The following PRKD1 variants were observed in gnomAD, a reference collection of about 807,000 sequenced individuals.
PRKD1 encodes serine/threonine-protein kinase D1.
In PRKD1, 63 loss-of-function variants were observed where a neutral mutation model predicts 95.9. The ratio of observed to expected loss-of-function variants is 0.66; its 90% CI spans 0.54 to 0.81. PRKD1 has a LOEUF of 0.81. Ranked by LOEUF, PRKD1 falls within the 30% of genes least tolerant of loss-of-function variation. The pLI is 0.00. For synonymous variants in PRKD1, 425 were observed against 423.1 expected (o/e 1.00, Z -0.05); for missense variants, 1,048 against 1,165.3 (o/e 0.90, Z 1.47).
chr14:29,698,217 T>TCACTATAATCACTATAATCA (rs1315997170), intron 2 of PRKD1, among the ~76,000 whole-genome samples: 28 of 152,196 alleles, frequency 1.8e-4, no homozygotes, highest in Non-Finnish European at 3.8e-4. Flanking sequence ...ATCACTATTA[T>TCACTATAATCACTATAATCA]CTGGATAATC....
At chr14:29,708,420 T>C (rs185119739) in intron 2 of PRKD1, among the ~76,000 whole-genome samples, 566 of 152,364 alleles carry the variant, frequency 3.7e-3, no homozygotes, top group Admixed American at 5.6e-3. Flanking sequence ...CATAAGCATC[T>C]GAATTTTTTG....
intron 2 of PRKD1, among the ~76,000 whole-genome samples, chr14:29,689,074 T>A (rs1252059747): frequency 6.8e-6 from 1 of 146,688 alleles, no homozygotes; most frequent in Non-Finnish European, 1.5e-5. Flanking sequence ...ACAATGAAAA[T>A]GCCAAAAGCA....
chr14:29,578,774 G>A (rs10873585), intron 16 of PRKD1, among the ~76,000 whole-genome samples: 160 of 152,054 alleles, frequency 1.1e-3, no homozygotes, highest in Middle Eastern at 3.4e-3. Context: ...CATGCTGAAC[G>A]TTTGAATACA....
intron 1 of PRKD1, among the ~76,000 whole-genome samples, chr14:29,850,895 T>C (rs1438463209): frequency 7.1e-6 from 1 of 140,910 alleles, no homozygotes; most frequent in Admixed American, 7.0e-5. Flanking sequence ...CAAAAAAAAA[T>C]TAAAAAAAAA....
intron 1 of PRKD1, among the ~76,000 whole-genome samples, chr14:29,726,374 G>GA (rs770272973): frequency 2.0e-5 from 3 of 152,102 alleles, no homozygotes; most frequent in Admixed American, 6.6e-5. Context: ...TTTATTATAT[G>GA]AAAAGGGCCC....
chr14:29,728,686 T>C lies in PRKD1; in HGVS notation c.265-3012A>G, dbSNP rs1886289470. Among the ~76,000 whole-genome samples the C allele has an allele frequency of 3.9e-5, 6 of 152,156 alleles. No homozygotes were observed. In the South Asian group the frequency reaches 1.2e-3, roughly 32 times the overall value. Reference sequence around the variant, plus strand: ...TTATCAGTTCACCCACAAATGGACATTGTAGTCTTTTTTTCCAGTTTGCAG... The same window carrying C: ...TTATCAGTTCACCCACAAATGGACACTGTAGTCTTTTTTTCCAGTTTGCAG... On this transcript the variant is annotated intron_variant, in intron 1 of 17. Coordinates refer to ENST00000331968, the MANE Select transcript of PRKD1 (RefSeq NM_002742.3).
At chr14:29,711,430 T>C (rs1320342083) in intron 2 of PRKD1, among the ~76,000 whole-genome samples, 1 of 152,110 alleles carries the variant, frequency 6.6e-6, no homozygotes, top group Admixed American at 6.6e-5. Flanking sequence ...ACAATGCAAA[T>C]ACAGAAGTAA....
intron 1 of PRKD1, among the ~76,000 whole-genome samples, chr14:29,804,161 G>A (rs1890139921): frequency 6.6e-6 from 1 of 150,840 alleles, no homozygotes; most frequent in South Asian, 2.1e-4. Flanking sequence ...AGAATTGCTT[G>A]AACTCAGAAG....
chr14:29,583,386 G>T (rs1305902993), intron 16 of PRKD1, among the ~76,000 whole-genome samples: 1 of 152,026 alleles, frequency 6.6e-6, no homozygotes, highest in Admixed American at 6.6e-5. Flanking sequence ...TATTTTCTCA[G>T]TTTGAATACC....
chr14:29,762,288 C>T (rs1349925300), intron 1 of PRKD1, among the ~76,000 whole-genome samples: 1 of 152,146 alleles, frequency 6.6e-6, no homozygotes, highest in African/African-American at 2.4e-5. Context: ...TAAATACTGT[C>T]ATACTACCTA....
chr14:29,814,510 TGGG>T (rs1566615839), intron 1 of PRKD1, among the ~76,000 whole-genome samples: 12 of 152,224 alleles, frequency 7.9e-5, no homozygotes, highest in Admixed American at 6.5e-4. Context: ...ACTAAGGAAC[TGGG>T]CTTTTTCCCT....
chr14:29,708,033 C>A (rs149498760), intron 2 of PRKD1, among the ~76,000 whole-genome samples: 35 of 152,282 alleles, frequency 2.3e-4, no homozygotes, highest in African/African-American at 7.5e-4. Flanking sequence ...TTTGGAGGCT[C>A]ACCTTTTATC....
chr14:29,742,519 C>A (rs973805754), intron 1 of PRKD1, among the ~76,000 whole-genome samples: 1 of 152,092 alleles, frequency 6.6e-6, no homozygotes, highest in African/African-American at 2.4e-5. Context: ...CTGTTGCTGT[C>A]TCTCTTAAAG....
In PRKD1 at chr14:29,577,123, A is replaced by C. The variant is rs1439359347; in HGVS notation, c.*115T>G. The C allele has an allele frequency of 9.2e-7, 1 of 1,091,770 alleles. No individual in the cohort carries two copies. Among genetic ancestry groups the C allele is most frequent in the African/African-American group, 1.6e-5 (1 of 64,244 alleles). 67.6% of individuals were successfully genotyped at this position (1,091,770 alleles called of 1,614,324 possible). ...ATACATCAACAGTGCTAACAGTTTA[A>C]CAGCTTTGTTCTCATCTGACAGAAA... On this transcript the variant is annotated 3_prime_UTR_variant, in exon 18 of 18. Transcript: ENST00000331968.
At chr14:29,676,177 GTTTTTGTTTTT>G (rs1883190953) in intron 2 of PRKD1, among the ~76,000 whole-genome samples, 3 of 104,762 alleles carry the variant, frequency 2.9e-5, no homozygotes, top group African/African-American at 1.3e-4. Context: ...AGTTCATTAC[GTTTTTGTTTTT>G]TTTTTTTTTT....
chr14:29,873,239 A>G (rs1189859566), intron 1 of PRKD1, among the ~76,000 whole-genome samples: 4 of 151,998 alleles, frequency 2.6e-5, no homozygotes, highest in Admixed American at 1.3e-4. Context: ...GTGCCCGCCA[A>G]CACACCTGGC....
At chr14:29,723,508 G>A (rs765128465) in intron 2 of PRKD1, among the ~76,000 whole-genome samples, 5 of 152,212 alleles carry the variant, frequency 3.3e-5, no homozygotes, top group Admixed American at 2.0e-4. Context: ...TAAGAAACAG[G>A]GTTGTAATAC....
intron 1 of PRKD1, among the ~76,000 whole-genome samples, chr14:29,824,777 T>C (rs1394635213): frequency 1.3e-5 from 2 of 152,154 alleles, no homozygotes; most frequent in African/African-American, 2.4e-5. Flanking sequence ...GAGATAGTTA[T>C]GAAATCGGCC....
intron 2 of PRKD1, among the ~76,000 whole-genome samples, chr14:29,707,872 C>T (rs977855985): frequency 1.3e-5 from 2 of 152,034 alleles, no homozygotes; most frequent in Non-Finnish European, 2.9e-5. Context: ...CATAAGATGG[C>T]CCCTGGGATA....
Sources: allele counts gnomAD v4.1 joint callset (sites outside exome capture counted in the v4.1 genomes callset), GRCh38; gene constraint gnomAD v4.1.1; transcripts MANE v1.5; gene names NCBI Gene and HGNC (gene_info 2026-07-23, HGNC 2026-07-21).